VSIG1: variants seen among roughly 807,000 people sequenced by gnomAD.
The protein encoded by VSIG1 is V-set and immunoglobulin domain-containing protein 1.
VSIG1 carries 11 observed loss-of-function variants against 20.1 expected under a neutral mutation model. That is an observed-to-expected ratio of 0.55 (90% CI 0.34 to 0.91). The LOEUF is 0.91. Ranked by LOEUF, VSIG1 falls within the 40% of genes least tolerant of loss-of-function variation. VSIG1 has a pLI of 0.02. For synonymous variants in VSIG1, 126 were observed against 116.7 expected, an observed-to-expected ratio of 1.08 and a Z score of -0.52; for missense variants, 283 against 298.8, an observed-to-expected ratio of 0.95 and a Z score of 0.39.
chrX:108,037,375 C>G, the VSIG1 span, among the ~76,000 whole-genome samples: 3 of 111,978 alleles, frequency 2.7e-5, no homozygotes, highest in East Asian at 8.4e-4. Flanking sequence ...TTCTGTTTCT[C>G]TCTCATGCTG....
chrX:108,022,750 AT>A, the VSIG1 span, among the ~76,000 whole-genome samples: 7 of 111,756 alleles, frequency 6.3e-5, no homozygotes, highest in Admixed American at 1.9e-4. Context: ...TGATTTCCAA[AT>A]TGGAGATGGG....
At chrX:108,065,300 A>G (rs2031105632) in intron 2 of VSIG1, among the ~76,000 whole-genome samples, 1 of 111,566 alleles carries the variant, frequency 9.0e-6, no homozygotes, top group East Asian at 2.8e-4. Flanking sequence ...AATTAGGAAA[A>G]TTGGATTCCA....
At chrX:108,045,249 AT>A in intron 1 of VSIG1, 70 bp downstream of exon 1, 8 of 926,238 alleles carry the variant, frequency 8.6e-6, no homozygotes, top group Non-Finnish European at 1.2e-5. Context: ...AAAATTCCAC[AT>A]TTTTACATAG....
At position 108,045,183 on chromosome X, in the gene VSIG1, A is replaced by T; in HGVS notation, c.49+4A>T. On this transcript the variant is annotated splice_donor_region_variant and intron_variant, in intron 1 of 6. Transcript: ENST00000217957. ...CTGATCCTAAGCTGCCTTGCAGGTA[A>T]GGAAAGGATCTCCAAACCACCAAAT... The T allele has an allele frequency of 8.5e-7, 1 of 1,181,662 alleles. No homozygotes were observed.
At chrX:108,071,892 C>CAAAAAAAAAAAAAAAAAA (rs1203449181) in intron 3 of VSIG1, among the ~76,000 whole-genome samples, 6 of 36,384 alleles carry the variant, frequency 1.6e-4, no homozygotes, top group Non-Finnish European at 2.8e-4. Flanking sequence ...TGAACAAATG[C>CAAAAAAAAAAAAAAAAAA]AAAAAAAAAA....
chrX:108,074,593 C>T (rs919286277), intron 5 of VSIG1, among the ~76,000 whole-genome samples: 4 of 111,921 alleles, frequency 3.6e-5, no homozygotes, highest in South Asian at 3.7e-4. Flanking sequence ...GCTCACAGTT[C>T]AGCTAGAGGG....
chrX:108,019,688 A>G, the VSIG1 span, among the ~76,000 whole-genome samples: 1 of 111,947 alleles, frequency 8.9e-6, no homozygotes, highest in Non-Finnish European at 1.9e-5. Context: ...CCTCAGCCCT[A>G]GTTGCAGGGC....
chrX:108,051,494 C>T (rs2030784641), intron 1 of VSIG1, among the ~76,000 whole-genome samples: 1 of 112,245 alleles, frequency 8.9e-6, no homozygotes, highest in Non-Finnish European at 1.9e-5. Flanking sequence ...AGTAAGCCAA[C>T]ACCTGCTTGC....
chrX:108,047,961 C>CAT (rs1172282311), intron 1 of VSIG1, among the ~76,000 whole-genome samples: 329 of 19,892 alleles, frequency 0.017, 5 homozygotes, highest in South Asian at 0.033. Context: ...TATACACACA[C>CAT]ATATATATAT....
chrX:108,039,725 G>A, the VSIG1 span, among the ~76,000 whole-genome samples: 1 of 110,492 alleles, frequency 9.1e-6, no homozygotes, highest in Non-Finnish European at 1.9e-5. Flanking sequence ...CAGCAAAGAT[G>A]GGGGAAGTGC....
In VSIG1 at chrX:108,058,243, T is replaced by A. The variant is rs187140061; in HGVS notation, c.213+42T>A. 1.9e-5 allele frequency: 22 copies of A among 1,147,564 alleles called. No individual in the cohort carries two copies. In the African/African-American group the frequency reaches 3.2e-4, roughly 17 times the overall value. The allele number at this position is 1,147,564 out of a possible 1,213,427, so 94.6% of individuals were successfully genotyped here. On this transcript the variant is annotated intron_variant, in intron 2 of 6. Transcript: ENST00000217957. ...CTAAACTCTTCCCCTTTTGTAGTTC[T>A]GACTGAAAACTGTTGGGGTAGAAAA...
chrX:108,020,827 T>C, the VSIG1 span, among the ~76,000 whole-genome samples: 6 of 111,670 alleles, frequency 5.4e-5, no homozygotes, highest in Admixed American at 9.5e-5. Flanking sequence ...GATATCCTGT[T>C]AGTATGGGAA....
chrX:108,035,033 C>G, the VSIG1 span, among the ~76,000 whole-genome samples: 79 of 112,397 alleles, frequency 7.0e-4, no homozygotes, highest in African/African-American at 2.3e-3. Flanking sequence ...AATTTGCCAT[C>G]TTTGTCATTT....
At chrX:108,027,844 C>T in the VSIG1 span, among the ~76,000 whole-genome samples, 1 of 110,810 alleles carries the variant, frequency 9.0e-6, no homozygotes, top group Non-Finnish European at 1.9e-5. Context: ...TTAAATGCGG[C>T]GACAGCTACT....
At chrX:108,034,460 T>C in the VSIG1 span, among the ~76,000 whole-genome samples, 1 of 112,035 alleles carries the variant, frequency 8.9e-6, no homozygotes, top group African/African-American at 3.2e-5. Context: ...GCCACTACTC[T>C]GATATCGTCA....
chrX:108,061,306 G>C, intron 2 of VSIG1: 1 of 476,102 alleles, frequency 2.1e-6, no homozygotes, highest in Non-Finnish European at 3.7e-6. Context: ...TGATTTATGG[G>C]ACTAAGATGT....
At chrX:108,038,748 G>C in the VSIG1 span, among the ~76,000 whole-genome samples, 1 of 112,203 alleles carries the variant, frequency 8.9e-6, no homozygotes, top group Non-Finnish European at 1.9e-5. Context: ...AGTATGGCTA[G>C]AGCAGAGTGC....
chrX:108,019,712 G>C, the VSIG1 span, among the ~76,000 whole-genome samples: 1 of 112,259 alleles, frequency 8.9e-6, no homozygotes, highest in East Asian at 2.8e-4. Flanking sequence ...ATGTAGTCTG[G>C]TGTGGGTTGG....
chrX:108,028,820 A>G, the VSIG1 span, among the ~76,000 whole-genome samples: 3 of 111,815 alleles, frequency 2.7e-5, no homozygotes, highest in African/African-American at 6.5e-5. Context: ...GAATATGTTT[A>G]ACAAGTGAGT....
Sources: gnomAD v4.1 joint callset for allele counts (sites outside exome capture counted in the v4.1 genomes callset) on GRCh38, gnomAD v4.1.1 for gene constraint, MANE v1.5 for transcripts, NCBI Gene and HGNC (gene_info 2026-07-23, HGNC 2026-07-21) for gene names.